The following TNNT3 variants were observed in gnomAD, a reference collection of about 807,000 sequenced individuals.
The protein encoded by TNNT3 is troponin T3, fast skeletal type.
In TNNT3, 36 loss-of-function variants were observed where a neutral mutation model predicts 54.2. The ratio of observed to expected loss-of-function variants is 0.66; its 90% confidence interval spans 0.51 to 0.88. The LOEUF is 0.88. Ranked by LOEUF, TNNT3 falls within the 40% of genes least tolerant of loss-of-function variation. The pLI is 0.00. For missense variants in TNNT3, 291 were observed against 331.6 expected, an observed-to-expected ratio of 0.88 and a Z score of 0.95; for synonymous variants, 120 against 109.7, an observed-to-expected ratio of 1.09 and a Z score of -0.59.
intron 14 of TNNT3, among the ~76,000 whole-genome samples, 200 bp from the exon 15 acceptor site, chr11:1,936,763 G>A (rs1855192855): frequency 1.3e-5 from 2 of 152,342 alleles, no homozygotes; most frequent in South Asian, 4.1e-4. Flanking sequence ...GTAAGTCCAG[G>A]CATGAGCCCA....
At chr11:1,924,790 C>G in intron 4 of TNNT3, 1 of 576,180 alleles carries the variant, frequency 1.7e-6, no homozygotes, top group South Asian at 2.0e-5. Flanking sequence ...CCCCCGTGCA[C>G]AGGCGCCTCC....
rs763038935 is a variant in TNNT3, at chr11:1,928,860, G to A, written c.83-260G>A. The A allele has an allele frequency of 2.0e-4, 102 of 518,950 alleles. 1 individual carries two copies. In the Middle Eastern group the frequency reaches 5.2e-3, roughly 27 times the overall value. The allele number at this position is 518,950 out of a possible 1,614,324, so 32.1% of individuals were successfully genotyped here. A position where few individuals can be genotyped will look rare whatever the true frequency, so the allele number is the denominator to read the frequency against. On this transcript the variant is annotated intron_variant, in intron 6 of 15. Transcript: ENST00000278317. Reference sequence around the variant, plus strand: ...CCCCACCTTGCCCCGCGAGGTCCCCGTGTCCCTCCTATTCTCCACTAGGTC... The same window carrying A: ...CCCCACCTTGCCCCGCGAGGTCCCCATGTCCCTCCTATTCTCCACTAGGTC...
chr11:1,923,424 A>T, intron 3 of TNNT3, 131 bp from the exon 4 acceptor site: 1 of 1,011,386 alleles, frequency 9.9e-7, no homozygotes, highest in Admixed American at 1.7e-5. Flanking sequence ...AGGACCCCTG[A>T]TTCCACGCTC....
chr11:1,921,190 G>A (rs888757347), intron 1 of TNNT3, among the ~76,000 whole-genome samples: 2 of 152,194 alleles, frequency 1.3e-5, no homozygotes, highest in Non-Finnish European at 2.9e-5. Flanking sequence ...GCCTATTTCT[G>A]GACACCTCAG....
Position 1,937,643 on chromosome 11 carries a change from C to G in TNNT3, c.722+640C>G, listed in dbSNP as rs936185626. Among the ~76,000 whole-genome samples, 5 of 152,184 alleles carry G rather than the reference C, an allele frequency of 3.3e-5. No homozygotes were observed. In the East Asian group the frequency reaches 9.6e-4, roughly 29 times the overall value. On this transcript the variant is annotated intron_variant, in intron 15 of 15. Transcript: ENST00000278317. The stretch of plus-strand genomic sequence containing the variant: ...CAGCCAGTGCCATTTCCCCAAGGAT[C>G]GCAGTGTTTGGGGGCTACTTGGAGT...
rs1851649410 is a variant in TNNT3 at position 1,926,555 on chromosome 11, A to G, written c.68-140A>G. 14 of 1,610,702 alleles carry G rather than the reference A, an allele frequency of 8.7e-6. No homozygotes were observed. The Admixed American group carries it at 1.8e-4, about 21-fold the overall frequency. On this transcript the variant is annotated intron_variant, in intron 5 of 15. Transcript: ENST00000278317. ...GGTGCAGGACCCAAGAAGGAACAAG[A>G]GGGGCCGCGTAACCCTGCACAGCCT...
At chr11:1,924,812 T>C in intron 4 of TNNT3, 1 of 590,806 alleles carries the variant, frequency 1.7e-6, no homozygotes, top group Non-Finnish European at 3.0e-6. Context: ...GGCATGGGAA[T>C]ACCAGGCCCC....
chr11:1,934,424 C>T lies in TNNT3; in HGVS notation c.459C>T (p.Asn153=). The T allele has an allele frequency of 6.2e-7, 1 of 1,613,724 alleles. No individual in the cohort carries two copies. Among genetic ancestry groups the T allele is most frequent in the Non-Finnish European group, 8.5e-7 (1 of 1,180,028 alleles). Residue 153 remains asparagine, a synonymous_variant, in exon 12 of 16, where the codon AAC becomes AAT. Coordinates refer to ENST00000278317, the MANE Select transcript of TNNT3 (RefSeq NM_006757.4). The part of the protein sequence containing the change: ...KKKALSSMGA[N]YSSYLAKADQ... ...AAGCTCTGTCTTCCATGGGAGCCAA[C>T]TACAGCAGCTACCTGGCCAAGGTGT... is the stretch of plus-strand genomic sequence containing the variant.
At chr11:1,937,484 A>G (rs1216276128) in intron 15 of TNNT3, among the ~76,000 whole-genome samples, 1 of 151,904 alleles carries the variant, frequency 6.6e-6, no homozygotes, top group Non-Finnish European at 1.5e-5. Flanking sequence ...GGATGGTGAA[A>G]CCTCATCCAT....
At chr11:1,927,215 G>T (rs547208984) in intron 6 of TNNT3, among the ~76,000 whole-genome samples, 5 of 152,316 alleles carry the variant, frequency 3.3e-5, no homozygotes, top group Admixed American at 2.0e-4. Context: ...AGGTGGGGAC[G>T]CTGGGGACCC....
chr11:1,927,830 C>T (rs1336523616), intron 6 of TNNT3: 1 of 152,412 alleles, frequency 6.6e-6, no homozygotes, highest in African/African-American at 2.4e-5. Context: ...ACCACTAAGT[C>T]AGGGAGGCCA....
chr11:1,926,769 T>C (rs1360843174), intron 6 of TNNT3, 60 bp downstream of exon 6: 1 of 1,607,916 alleles, frequency 6.2e-7, no homozygotes, highest in Admixed American at 1.7e-5. Context: ...TGTCCTCTCT[T>C]GCTTCCTCCC....
At chr11:1,929,471 T>C (rs1256160619) in intron 7 of TNNT3, among the ~76,000 whole-genome samples, 1 of 152,166 alleles carries the variant, frequency 6.6e-6, no homozygotes, top group East Asian at 1.9e-4. Flanking sequence ...CCCAATCTTC[T>C]TCCCGAGCCC....
intron 2 of TNNT3, 24 bp downstream of exon 2, chr11:1,922,915 C>T: frequency 6.2e-7 from 1 of 1,613,798 alleles, no homozygotes; most frequent in East Asian, 2.2e-5. Context: ...TGGTGGCTGC[C>T]CCCTGCCTGG....
At chr11:1,919,989 C>T (rs955313360) in intron 1 of TNNT3, among the ~76,000 whole-genome samples, 8 of 152,072 alleles carry the variant, frequency 5.3e-5, no homozygotes, top group Admixed American at 3.3e-4. Context: ...GTCTCAGCAC[C>T]GGGAGGATGC....
intron 12 of TNNT3, 42 bp from the exon 13 acceptor site, chr11:1,934,504 C>T (rs757046339): frequency 6.2e-7 from 1 of 1,607,504 alleles, no homozygotes; most frequent in South Asian, 1.1e-5. Flanking sequence ...GCCCTGTGCC[C>T]TCCTGAGACC....
intron 2 of TNNT3, 35 bp from the exon 3 acceptor site, chr11:1,923,013 C>G: frequency 6.2e-7 from 1 of 1,613,922 alleles, no homozygotes; most frequent in Non-Finnish European, 8.5e-7. Flanking sequence ...CACTACCTCT[C>G]TCTCTTTCTT....
chr11:1,929,267 C>T, intron 7 of TNNT3, 124 bp downstream of exon 7: 7 of 1,280,636 alleles, frequency 5.5e-6, no homozygotes, highest in South Asian at 3.6e-5. Context: ...TTCTCTTCCC[C>T]TGGCACGGGG....
In TNNT3 at chr11:1,934,869, G is replaced by A. The variant is rs1025389852; in HGVS notation, c.631G>A (p.Glu211Lys). ...GCTCTGGGAGACCCTGCACCAGCTG[G>A]AGATTGACAAGTTCGAGTTTGGGGA... ...KELWETLHQL[E>K]IDKFEFGEKL... Residue 211 changes from glutamate (E) to lysine (K), a missense_variant, in exon 14 of 16, where the codon GAG (glutamate) becomes AAG (lysine). Coordinates refer to ENST00000278317, the MANE Select transcript of TNNT3 (RefSeq NM_006757.4). The A allele has an allele frequency of 6.2e-7, 1 of 1,613,560 alleles. No homozygotes were observed. The highest frequency in any genetic ancestry group is 1.3e-5 in the African/African-American group (1 of 74,948).
Sources: allele counts gnomAD v4.1 joint callset (sites outside exome capture counted in the v4.1 genomes callset), GRCh38; gene constraint gnomAD v4.1.1; transcripts MANE v1.5; gene names NCBI Gene and HGNC (gene_info 2026-07-23, HGNC 2026-07-21).